Variants in BRD8 observed in about 807,000 individuals in gnomAD.
BRD8 encodes the protein bromodomain containing 8, also known as bromodomain-containing protein 8.
BRD8 carries 67 observed loss-of-function variants against 143.1 expected under a neutral mutation model. The observed-to-expected ratio is 0.47, with a 90% CI of 0.38 to 0.57. BRD8 has a LOEUF of 0.57. Among genes scored for constraint, BRD8 ranks in the 20% least tolerant of loss-of-function variants. The pLI is 0.00. For synonymous variants in BRD8, 505 were observed against 517.1 expected, an observed-to-expected ratio of 0.98 and a Z score of 0.32; for missense variants, 1,103 against 1,503.0, an observed-to-expected ratio of 0.73 and a Z score of 4.40.
In BRD8 at chr5:138,152,566, C is replaced by A; in HGVS notation, c.2772G>T (p.Leu924=). 1 of 1,614,196 alleles carries A rather than the reference C, an allele frequency of 6.2e-7. No homozygotes were observed. Among genetic ancestry groups the A allele is most frequent in the East Asian group, 2.2e-5 (1 of 44,880 alleles). ...ESSPEREPSE[L]LVGDGGSEES... The stretch of plus-strand genomic sequence containing the variant: ...CCTCACTGCCTCCATCCCCAACAAG[C>A]AGTTCACTAGGTTCTCTCTCCGGGC... Residue 924 remains leucine, a synonymous_variant, in exon 21 of 27, where the codon CTG becomes CTT. Coordinates refer to ENST00000254900, the MANE Select transcript of BRD8 (RefSeq NM_139199.2).
intron 5 of BRD8, 43 bp from the exon 6 acceptor site, chr5:138,170,955 T>C: frequency 6.2e-7 from 1 of 1,612,520 alleles, no homozygotes; most frequent in South Asian, 1.1e-5. Context: ...TTTTTTAATC[T>C]GCTATTTTAA....
At chr5:138,156,654 T>C (rs1752614073) in intron 20 of BRD8, among the ~76,000 whole-genome samples, 1 of 152,156 alleles carries the variant, frequency 6.6e-6, no homozygotes, top group Non-Finnish European at 1.5e-5. Flanking sequence ...CAAGAAAATC[T>C]GAGTAAGGAA....
chr5:138,172,852 C>T lies in BRD8; in HGVS notation c.117-718G>A, dbSNP rs564766538. 8.6e-5 allele frequency: 29 copies of T among 335,658 alleles called. No homozygotes were observed. In the Admixed American group the frequency reaches 1.2e-3, roughly 14 times the overall value. The allele number at this position is 335,658 out of a possible 1,614,324, so 20.8% of individuals were successfully genotyped here. A position where few individuals can be genotyped will look rare whatever the true frequency, so the allele number is the denominator to read the frequency against. On this transcript the variant is annotated intron_variant, in intron 2 of 26. Transcript: ENST00000254900. ...CTGGGTGACAGAGTAAGACCACCCC[C>T]TCCGCCATTCAAAAAAAAAAGAACA...
intron 23 of BRD8, among the ~76,000 whole-genome samples, chr5:138,147,359 C>CA (rs1752195700): frequency 6.7e-6 from 1 of 149,152 alleles, no homozygotes; most frequent in Non-Finnish European, 1.5e-5. Context: ...ATATCTTAAA[C>CA]AAAAAAACAC....
intron 2 of BRD8, among the ~76,000 whole-genome samples, chr5:138,174,613 T>C (rs1754167071): frequency 6.7e-6 from 1 of 149,548 alleles, no homozygotes; most frequent in African/African-American, 2.5e-5. Flanking sequence ...AAAGGTGCAG[T>C]TTACTGCACA....
chr5:138,174,112 C>T (rs1185148453), intron 2 of BRD8, among the ~76,000 whole-genome samples: 1 of 152,034 alleles, frequency 6.6e-6, no homozygotes, highest in African/African-American at 2.4e-5. Flanking sequence ...CATGGAATCA[C>T]AAATGGAGGA....
chr5:138,145,787 A>AC lies in BRD8; in HGVS notation c.3368+1dup. On this transcript the variant is annotated splice_donor_variant, in intron 24 of 26. Transcript: ENST00000254900. LOFTEE classifies it high-confidence loss of function. ...AATCCTATTACCACTTTGGAGACCT[A>AC]CCTGTGACTGGCAATCATCTTCCAG... is the stretch of plus-strand genomic sequence containing the variant. 1 of 1,613,216 alleles carries AC rather than the reference A, an allele frequency of 6.2e-7. No homozygotes were observed. The highest frequency in any genetic ancestry group is 8.5e-7 in the Non-Finnish European group (1 of 1,179,186).
chr5:138,165,803 C>CT, intron 11 of BRD8, 25 bp downstream of exon 11: 2 of 1,598,078 alleles, frequency 1.3e-6, no homozygotes, highest in South Asian at 2.2e-5. Flanking sequence ...CCATGAGATT[C>CT]TCTGGGGCTT....
At chr5:138,172,005 T>C in intron 3 of BRD8, 60 bp downstream of exon 3, 8 of 1,289,344 alleles carry the variant, frequency 6.2e-6, no homozygotes, top group Non-Finnish European at 9.0e-6. Flanking sequence ...CAGGGCCTGG[T>C]AGAGAACCTA....
chr5:138,140,297 C>T (rs1004257888), intron 26 of BRD8, 131 bp from the exon 27 acceptor site: 6 of 660,740 alleles, frequency 9.1e-6, no homozygotes, highest in Non-Finnish European at 1.6e-5. Flanking sequence ...AGAAAAGAAA[C>T]CCACAAATGT....
chr5:138,171,544 G>T (rs2151215151), intron 3 of BRD8, 134 bp from the exon 4 acceptor site: 4 of 614,042 alleles, frequency 6.5e-6, no homozygotes, highest in East Asian at 5.4e-5. Flanking sequence ...TTACTAGGAG[G>T]GCAAGTAACT....
intron 24 of BRD8, 61 bp downstream of exon 24, chr5:138,145,728 C>T: frequency 7.1e-7 from 1 of 1,412,088 alleles, no homozygotes; most frequent in Non-Finnish European, 1.0e-6. Flanking sequence ...TATGCTTAAA[C>T]CCCAATATGT....
Position 138,172,051 on chromosome 5 carries a change from G to T in BRD8, c.186+14C>A. 1.2e-6 allele frequency: 2 copies of T among 1,611,458 alleles called. No individual in the cohort carries two copies. Among genetic ancestry groups the T allele is most frequent in the East Asian group, 2.2e-5 (1 of 44,852 alleles). ...CAAAGACTGCTCTAAAAGAGCCCTT[G>T]CTTGGGAACTTACTTTTTGAGAGAA... On this transcript the variant is annotated intron_variant, in intron 3 of 26. Coordinates refer to ENST00000254900, the MANE Select transcript of BRD8 (RefSeq NM_139199.2).
intron 2 of BRD8, chr5:138,172,887 GTA>G: frequency 4.6e-6 from 1 of 215,332 alleles, no homozygotes; most frequent in Non-Finnish European, 9.7e-6. Context: ...AGCATATATA[GTA>G]TATAATCATT....
chr5:138,171,490 G>A (rs1753862762), intron 3 of BRD8, 80 bp from the exon 4 acceptor site: 6 of 935,922 alleles, frequency 6.4e-6, no homozygotes, highest in Non-Finnish European at 8.6e-6. Context: ...CAAGAGATTA[G>A]AGTAAGATTT....
At chr5:138,143,005 C>T (rs1751975226) in intron 25 of BRD8, among the ~76,000 whole-genome samples, 1 of 151,808 alleles carries the variant, frequency 6.6e-6, no homozygotes. Context: ...AAATATCAGG[C>T]CAGGCACAGT....
At chr5:138,167,012 G>A (rs1246484282) in intron 9 of BRD8, 8 of 244,118 alleles carry the variant, frequency 3.3e-5, no homozygotes, top group African/African-American at 7.1e-5. Context: ...TTGGGAGGCC[G>A]AGGCAGGTGG....
intron 2 of BRD8, among the ~76,000 whole-genome samples, chr5:138,176,520 G>T (rs900646509): frequency 2.0e-5 from 3 of 152,094 alleles, no homozygotes; most frequent in Non-Finnish European, 4.4e-5. Flanking sequence ...GTTGCAGTGA[G>T]CCAAGATCTA....
chr5:138,175,235 T>C (rs564355134), intron 2 of BRD8, among the ~76,000 whole-genome samples: 24 of 152,252 alleles, frequency 1.6e-4, no homozygotes, highest in African/African-American at 5.3e-4. Context: ...TTCTATATAG[T>C]GTTTTTGTTT....
Sources: allele counts gnomAD v4.1 joint callset (sites outside exome capture counted in the v4.1 genomes callset), GRCh38; gene constraint gnomAD v4.1.1; transcripts MANE v1.5; gene names NCBI Gene and HGNC (gene_info 2026-07-23, HGNC 2026-07-21).